The following RFX2 variants were observed in gnomAD, a reference collection of about 807,000 sequenced individuals.
RFX2 encodes the protein DNA-binding protein RFX2.
In RFX2, 20 loss-of-function variants were observed where a neutral mutation model predicts 87.8. The ratio of observed to expected loss-of-function variants is 0.23; its 90% CI spans 0.16 to 0.33. The LOEUF (loss-of-function observed/expected upper bound fraction) is 0.33. RFX2 is among the 10% of genes least tolerant of loss of function. RFX2 has a pLI of 1.00. For missense variants in RFX2, 767 were observed against 1,012.3 expected, an observed-to-expected ratio of 0.76 and a Z score of 3.29; for synonymous variants, 397 against 431.3, an observed-to-expected ratio of 0.92 and a Z score of 0.98.
chr19:6,099,301 C>T (rs1212190347), intron 1 of RFX2, among the ~76,000 whole-genome samples: 11 of 152,152 alleles, frequency 7.2e-5, no homozygotes. Context: ...TTATAAAACC[C>T]CTCCCCGCTC....
chr19:6,091,098 G>A (rs982954689), intron 1 of RFX2, among the ~76,000 whole-genome samples: 4 of 152,168 alleles, frequency 2.6e-5, no homozygotes, highest in Non-Finnish European at 5.9e-5. Flanking sequence ...TTCTTTTCAC[G>A]GTGATGGAAA....
At position 5,999,792 on chromosome 19, in the gene RFX2, TAC is replaced by T. The variant is rs2086466859; in HGVS notation, c.1859+2021_1859+2022del. Among the ~76,000 whole-genome samples, 1 of 152,008 alleles carries T rather than the reference TAC, an allele frequency of 6.6e-6. No individual in the cohort carries two copies. The highest frequency in any genetic ancestry group is 1.5e-5 in the Non-Finnish European group (1 of 67,994). ...GTGGGAAAGAATGGGCCGTCTTATT[TAC>T]AGAGGCTGGGGGTGAGGGATTTCTC... On this transcript the variant is annotated intron_variant, in intron 15 of 17. Coordinates refer to ENST00000303657, the MANE Select transcript of RFX2 (RefSeq NM_000635.4). This position sits in a 1 kb window ranked among gnomAD's most constrained non-coding sequence, Gnocchi z 4.1.
At position 5,997,990 on chromosome 19, in the gene RFX2, G is replaced by A. The variant is rs1456514922; in HGVS notation, c.1860-777C>T. Among the ~76,000 whole-genome samples, 1 of 152,072 alleles carries A rather than the reference G, an allele frequency of 6.6e-6. No homozygotes were observed. Among genetic ancestry groups the A allele is most frequent in the Non-Finnish European group, 1.5e-5 (1 of 68,028 alleles). On this transcript the variant is annotated intron_variant, in intron 15 of 17. Coordinates refer to ENST00000303657, the MANE Select transcript of RFX2 (RefSeq NM_000635.4). The surrounding 1 kb of genome is among the most constrained non-coding windows in gnomAD (Gnocchi z 4.2). ...TACCTGGTTCTTTCTGGGAGAGGCGGCCCCTGACCTAAAGGATCAGTATAA... is the reference window on the plus strand; with the variant it reads ...TACCTGGTTCTTTCTGGGAGAGGCGACCCCTGACCTAAAGGATCAGTATAA...
intron 1 of RFX2, among the ~76,000 whole-genome samples, chr19:6,096,506 G>T (rs931374085): frequency 2.0e-5 from 3 of 152,096 alleles, no homozygotes; most frequent in Non-Finnish European, 2.9e-5. Flanking sequence ...GAGTGCAGTG[G>T]CGCGATCTCG....
Position 6,074,317 on chromosome 19 carries a change from C to T in RFX2, c.-8-26813G>A, listed in dbSNP as rs1408296722. ...CTCCTCCTCTCATCCCAAGCTAGCCCCTTCCTAACCTCAAGTCAACGAGAA... is the reference window on the plus strand; with the variant it reads ...CTCCTCCTCTCATCCCAAGCTAGCCTCTTCCTAACCTCAAGTCAACGAGAA... On this transcript the variant is annotated intron_variant, in intron 1 of 17. Transcript: ENST00000303657. The surrounding 1 kb of genome is among the most constrained non-coding windows in gnomAD (Gnocchi z 5.2). 6.6e-5 allele frequency among the ~76,000 whole-genome samples: 10 copies of T among 152,168 alleles called. No individual in the cohort carries two copies. Among genetic ancestry groups the T allele is most frequent in the Non-Finnish European group, 1.0e-4 (7 of 68,038 alleles).
chr19:5,997,096 C>T lies in RFX2; in HGVS notation c.1977G>A (p.Glu659=), dbSNP rs745371197. The change falls in exon 16 of 18, where the codon GAG becomes GAA. Residue 659 remains glutamate, a synonymous_variant. Transcript: ENST00000303657. This position sits in a 1 kb window ranked among gnomAD's most constrained non-coding sequence, Gnocchi z 4.2. ...CAGCGATCGGCGTCTCTCCGGTGGC[C>T]TCCGCGACGCGGTGCTCCACCAGGT... The part of the protein sequence containing the change: ...MFYLVEHRVA[E]ATGETPIAVM... The T allele has an allele frequency of 1.9e-5, 31 of 1,613,074 alleles. No homozygotes were observed. The highest frequency in any genetic ancestry group is 2.6e-5 in the Non-Finnish European group (31 of 1,179,962).
rs1357000013 is a variant in RFX2, at chr19:6,013,033, GTCC to G, written c.849_851del (p.Glu283del). 6.2e-7 allele frequency: 1 copy of G among 1,603,042 alleles called. No individual in the cohort carries two copies. The highest frequency in any genetic ancestry group is 8.5e-7 in the Non-Finnish European group (1 of 1,175,104). Reference sequence around the variant, plus strand: ...GCTGCCGCATGGCCATGTACTGCGTGTCCTCCTGCAGCCGGTTCAGTGGTGAGT... The same window carrying G: ...GCTGCCGCATGGCCATGTACTGCGTGTCCTGCAGCCGGTTCAGTGGTGAGT... On this transcript the variant is annotated inframe_deletion, in exon 8 of 18. Coordinates refer to ENST00000303657, the MANE Select transcript of RFX2 (RefSeq NM_000635.4). This position sits in a 1 kb window ranked among gnomAD's most constrained non-coding sequence, Gnocchi z 4.1.
rs57470328 is a variant in RFX2, at chr19:6,003,778, C to CAAAAAAAAA, written c.1500+414_1500+422dup. Reference sequence around the variant, plus strand: ...TGGGCGACAGAGTGAGACTCTGTCTCAAAAAAAAAAAAAAAAAAAAAAAAA... The same window carrying CAAAAAAAAA: ...TGGGCGACAGAGTGAGACTCTGTCTCAAAAAAAAAAAAAAAAAAAAAAAAAAAAAAAAAA... On this transcript the variant is annotated intron_variant, in intron 13 of 17. Transcript: ENST00000303657. Among the ~76,000 whole-genome samples the CAAAAAAAAA allele has an allele frequency of 6.2e-4, 26 of 42,002 alleles. 1 individual carries two copies. The highest frequency in any genetic ancestry group is 1.3e-3 in the African/African-American group (18 of 13,590). The allele number at this position is 42,002 out of a possible 152,430, so 27.6% of individuals were successfully genotyped here.
intron 1 of RFX2, among the ~76,000 whole-genome samples, chr19:6,096,258 T>C (rs2088021786): frequency 6.6e-6 from 1 of 152,206 alleles, no homozygotes; most frequent in Admixed American, 6.5e-5. Flanking sequence ...CCTTGGTAGA[T>C]ATTTCCTCTT....
chr19:6,042,137 T>A lies in RFX2; in HGVS notation c.181-14A>T. 6.2e-7 allele frequency: 1 copy of A among 1,611,664 alleles called. No homozygotes were observed. The highest frequency in any genetic ancestry group is 2.2e-5 in the East Asian group (1 of 44,872). On this transcript the variant is annotated splice_polypyrimidine_tract_variant and intron_variant, in intron 3 of 17. Coordinates refer to ENST00000303657, the MANE Select transcript of RFX2 (RefSeq NM_000635.4). Reference sequence around the variant, plus strand: ...CACCGGCTGCACCTGAAACATCGGATACGCTGCGTTACCGCCAGTCACGCC... The same window carrying A: ...CACCGGCTGCACCTGAAACATCGGAAACGCTGCGTTACCGCCAGTCACGCC...
intron 5 of RFX2, among the ~76,000 whole-genome samples, chr19:6,037,719 G>T (rs547035528): frequency 6.6e-6 from 1 of 152,248 alleles, no homozygotes; most frequent in South Asian, 2.1e-4. Flanking sequence ...CAATACTGAA[G>T]AATAAAGTGG....
chr19:6,013,121 C>T lies in RFX2; in HGVS notation c.780-16G>A, dbSNP rs368126456. Reference sequence around the variant, plus strand: ...CGAGTTGCCCCTGGAAACCAAACATCCCAGGGTCAGCTCCCTTTGCAGATG... The same window carrying T: ...CGAGTTGCCCCTGGAAACCAAACATTCCAGGGTCAGCTCCCTTTGCAGATG... On this transcript the variant is annotated splice_polypyrimidine_tract_variant and intron_variant, in intron 7 of 17. Coordinates refer to ENST00000303657, the MANE Select transcript of RFX2 (RefSeq NM_000635.4). The surrounding 1 kb of genome is among the most constrained non-coding windows in gnomAD (Gnocchi z 4.1). 6.3e-7 allele frequency: 1 copy of T among 1,579,640 alleles called. No homozygotes were observed. Among genetic ancestry groups the T allele is most frequent in the Non-Finnish European group, 8.6e-7 (1 of 1,163,816 alleles).
intron 1 of RFX2, among the ~76,000 whole-genome samples, chr19:6,092,314 C>A (rs1234888936): frequency 6.6e-6 from 1 of 152,166 alleles, no homozygotes; most frequent in Non-Finnish European, 1.5e-5. Flanking sequence ...GGGCTCAAGT[C>A]CCTAAACCCG....
chr19:6,005,941 C>T (rs971704764), intron 12 of RFX2, among the ~76,000 whole-genome samples: 6 of 152,226 alleles, frequency 3.9e-5, no homozygotes, highest in African/African-American at 1.4e-4. Flanking sequence ...GCCTCCCGCA[C>T]AGTGACGGCT....
At chr19:6,078,309 G>A (rs1053637580) in intron 1 of RFX2, 1 of 146,878 alleles carries the variant, frequency 6.8e-6, no homozygotes, top group Admixed American at 6.9e-5. Context: ...TGAGCTTTAC[G>A]GTATGTAAAA....
chr19:6,013,028 T>C lies in RFX2; in HGVS notation c.857A>G (p.Gln286Arg), dbSNP rs564248930. Residue 286 changes from glutamine (Q) to arginine (R), a missense_variant, in exon 8 of 18, where the codon CAG becomes CGG. By Grantham distance (43) the Gln-to-Arg change is conservative (BLOSUM62 1). Transcript: ENST00000303657. This position sits in a 1 kb window ranked among gnomAD's most constrained non-coding sequence, Gnocchi z 4.1. ...SPLNRLQEDT[Q>R]YMAMRQQPMH... Reference sequence around the variant, plus strand: ...GGGCTGCTGCCGCATGGCCATGTACTGCGTGTCCTCCTGCAGCCGGTTCAG... The same window carrying C: ...GGGCTGCTGCCGCATGGCCATGTACCGCGTGTCCTCCTGCAGCCGGTTCAG... The C allele has an allele frequency of 1.5e-5, 24 of 1,603,204 alleles. No individual in the cohort carries two copies. In the Middle Eastern group the frequency reaches 5.0e-4, roughly 33 times the overall value.
rs761995581 is a variant in RFX2, at chr19:6,010,307, C to T, written c.900-56G>A. The T allele has an allele frequency of 8.3e-7, 1 of 1,207,404 alleles. No individual in the cohort carries two copies. The highest frequency in any genetic ancestry group is 1.2e-6 in the Non-Finnish European group (1 of 843,878). The allele number at this position is 1,207,404 out of a possible 1,614,324, so 74.8% of individuals were successfully genotyped here. A position where few individuals can be genotyped will look rare whatever the true frequency, so the allele number is the denominator to read the frequency against. On this transcript the variant is annotated intron_variant, in intron 8 of 17. Transcript: ENST00000303657. This position sits in a 1 kb window ranked among gnomAD's most constrained non-coding sequence, Gnocchi z 5.0. Reference sequence around the variant, plus strand: ...GCCCAGCAGCCCTGCTGCGGGTGGGCCCAAAGACTGGGGGGCTGGGCAGGA... The same window carrying T: ...GCCCAGCAGCCCTGCTGCGGGTGGGTCCAAAGACTGGGGGGCTGGGCAGGA...
At position 6,004,521 on chromosome 19, in the gene RFX2, G is replaced by A. The variant is rs771080445; in HGVS notation, c.1403-223C>T. Among the ~76,000 whole-genome samples, 19 of 152,348 alleles carry A rather than the reference G, an allele frequency of 1.2e-4. No homozygotes were observed. Among genetic ancestry groups the A allele is most frequent in the African/African-American group, 3.1e-4 (13 of 41,592 alleles). ...CTGCCTATGCGGGTCTCACAGGGGC[G>A]ATTCTGCCCCAGGGGACACTGGGCA... On this transcript the variant is annotated intron_variant, in intron 12 of 17. Transcript: ENST00000303657. The surrounding 1 kb of genome is among the most constrained non-coding windows in gnomAD (Gnocchi z 4.8).
chr19:6,039,892 C>G lies in RFX2; in HGVS notation c.522+88G>C, dbSNP rs1159556921. 4 of 1,418,922 alleles carry G rather than the reference C, an allele frequency of 2.8e-6. No individual in the cohort carries two copies. Among genetic ancestry groups the G allele is most frequent in the Non-Finnish European group, 3.7e-6 (4 of 1,068,610 alleles). The allele number at this position is 1,418,922 out of a possible 1,614,324, so 87.9% of individuals were successfully genotyped here. A position where few individuals can be genotyped will look rare whatever the true frequency, so the allele number is the denominator to read the frequency against. ...AGCAGACGACAGCCCCTCCGGGCCT[C>G]CGGCTGCCTCTTACTCACCATCCCT... On this transcript the variant is annotated intron_variant, in intron 5 of 17. Transcript: ENST00000303657. This position sits in a 1 kb window ranked among gnomAD's most constrained non-coding sequence, Gnocchi z 5.2.
Sources: gnomAD v4.1 joint callset for allele counts (sites outside exome capture counted in the v4.1 genomes callset) on GRCh38, gnomAD v4.1.1 for gene constraint, Gnocchi (gnomAD v3.1) non-coding constraint, MANE v1.5 for transcripts, NCBI Gene and HGNC (gene_info 2026-07-23, HGNC 2026-07-21) for gene names.